MALRD1: variants seen among roughly 807,000 people sequenced by gnomAD.
MALRD1 encodes MAM and LDL-receptor class A domain-containing protein 1.
Under a neutral mutation model 242.1 loss-of-function variants are expected in MALRD1, and 247 were observed. The ratio of observed to expected loss-of-function variants is 1.02; its 90% CI spans 0.92 to 1.13. MALRD1 has a LOEUF of 1.13. Among genes scored for constraint, MALRD1 ranks in the 50% most tolerant of loss-of-function variants. The pLI is 0.00. For missense variants in MALRD1, 2,989 were observed against 2,533.1 expected (o/e 1.18, Z -3.86); for synonymous variants, 995 against 866.6 (o/e 1.15, Z -2.60).
At chr10:19,507,212 C>T (rs3852463) in intron 31 of MALRD1, among the ~76,000 whole-genome samples, 38,640 of 151,786 alleles carry the variant, frequency 0.25, 7,456 homozygotes, top group African/African-American at 0.55. Flanking sequence ...ACTCCAGCAA[C>T]GGGGATTTCA....
intron 36 of MALRD1, among the ~76,000 whole-genome samples, chr10:19,687,834 C>T: frequency 6.6e-6 from 1 of 151,834 alleles, no homozygotes. Flanking sequence ...ACCCAGATTC[C>T]ATGTGAAAAA....
At chr10:19,278,337 T>C (rs1840635705) in intron 19 of MALRD1, among the ~76,000 whole-genome samples, 1 of 152,238 alleles carries the variant, frequency 6.6e-6, no homozygotes. Flanking sequence ...CGGCATCTTA[T>C]TTGACTCCCA....
intron 36 of MALRD1, among the ~76,000 whole-genome samples, chr10:19,668,765 C>T (rs1841790755): frequency 6.6e-6 from 1 of 151,858 alleles, no homozygotes; most frequent in African/African-American, 2.4e-5. Flanking sequence ...AATTCAACCC[C>T]TTCTCCTCCA....
At chr10:19,290,842 T>C (rs992998701) in intron 21 of MALRD1, among the ~76,000 whole-genome samples, 3 of 152,172 alleles carry the variant, frequency 2.0e-5, no homozygotes, top group Non-Finnish European at 4.4e-5. Context: ...TACTGTATAT[T>C]TGCAGGTCTT....
At position 19,323,037 on chromosome 10, in the gene MALRD1, C is replaced by CA. The variant is rs959453986; in HGVS notation, c.3420-903dup. ...GGGTCATAAATTCTTTCTTTTATGG[C>CA]AAAAAAAAATCGTATTTAATTGTTT... On this transcript the variant is annotated intron_variant, in intron 21 of 39. Transcript: ENST00000454679. Among the ~76,000 whole-genome samples, 98 of 148,876 alleles carry CA rather than the reference C, an allele frequency of 6.6e-4. 1 individual carries two copies. The highest frequency in any genetic ancestry group is 6.9e-3 in the Middle Eastern group (2 of 290).
In MALRD1 at chr10:19,148,784, AAAAAAT is replaced by A. The variant is rs796517197; in HGVS notation, c.1558+2442_1558+2447del. On this transcript the variant is annotated intron_variant, in intron 11 of 39. Transcript: ENST00000454679. The stretch of plus-strand genomic sequence containing the variant: ...TAGAAAGGGCCAATTAAAAAAAAAA[AAAAAAT>A]ATATATATATATATATATATCTGGA... Among the ~76,000 whole-genome samples the A allele has an allele frequency of 7.5e-4, 48 of 63,946 alleles. No homozygotes were observed. The South Asian group carries it at 8.8e-3, about 12-fold the overall frequency. 42.0% of individuals were successfully genotyped at this position (63,946 alleles called of 152,430 possible).
chr10:19,336,140 TA>T (rs1336508788), intron 24 of MALRD1, among the ~76,000 whole-genome samples: 2 of 152,202 alleles, frequency 1.3e-5, no homozygotes, highest in Admixed American at 6.5e-5. Context: ...AAAGTAATTT[TA>T]AAAAATAATC....
intron 32 of MALRD1, among the ~76,000 whole-genome samples, chr10:19,559,297 T>C (rs915515093): frequency 1.3e-5 from 2 of 152,016 alleles, no homozygotes; most frequent in African/African-American, 2.4e-5. Context: ...GGGTCTTCTC[T>C]CTTTTTTTCT....
chr10:19,459,487 G>C (rs1168682883), intron 29 of MALRD1, among the ~76,000 whole-genome samples: 1 of 152,026 alleles, frequency 6.6e-6, no homozygotes, highest in Admixed American at 6.6e-5. Flanking sequence ...TTAAGCCTTA[G>C]AGCCCAATTA....
At chr10:19,477,656 T>C (rs1169302315) in intron 29 of MALRD1, among the ~76,000 whole-genome samples, 2 of 152,132 alleles carry the variant, frequency 1.3e-5, no homozygotes, top group Non-Finnish European at 2.9e-5. Context: ...ATAGCGCTCT[T>C]TCTTGCAGAG....
intron 21 of MALRD1, among the ~76,000 whole-genome samples, chr10:19,305,885 A>T (rs1304317127): frequency 2.3e-5 from 3 of 130,612 alleles, no homozygotes; most frequent in African/African-American, 8.8e-5. Context: ...TAATATATAT[A>T]ATATATATTA....
intron 32 of MALRD1, among the ~76,000 whole-genome samples, chr10:19,561,338 C>T (rs1250300040): frequency 6.6e-6 from 1 of 152,060 alleles, no homozygotes; most frequent in African/African-American, 2.4e-5. Context: ...TAAATTAGAC[C>T]CAGTTGATTG....
At chr10:19,436,915 A>C (rs959219449) in intron 28 of MALRD1, among the ~76,000 whole-genome samples, 3 of 152,150 alleles carry the variant, frequency 2.0e-5, no homozygotes, top group South Asian at 2.1e-4. Context: ...TTGCTCACCT[A>C]TTCAGTTATC....
At chr10:19,110,835 G>A (rs1028749626) in intron 5 of MALRD1, among the ~76,000 whole-genome samples, 1 of 152,064 alleles carries the variant, frequency 6.6e-6, no homozygotes, top group Non-Finnish European at 1.5e-5. Flanking sequence ...TGATCATTTT[G>A]TACTAGTGTT....
At chr10:19,415,636 A>G (rs1327912607) in intron 28 of MALRD1, among the ~76,000 whole-genome samples, 1 of 152,302 alleles carries the variant, frequency 6.6e-6, no homozygotes, top group Non-Finnish European at 1.5e-5. Flanking sequence ...TTAAAAATTC[A>G]TAAATGTGCT....
chr10:19,179,278 A>C (rs970173258), intron 14 of MALRD1, among the ~76,000 whole-genome samples: 10 of 152,340 alleles, frequency 6.6e-5, no homozygotes, highest in African/African-American at 1.7e-4. Context: ...AAACAAGATG[A>C]ATAAGCTCTA....
chr10:19,577,996 G>A (rs1182001835), intron 33 of MALRD1, among the ~76,000 whole-genome samples: 1 of 152,062 alleles, frequency 6.6e-6, no homozygotes, highest in East Asian at 1.9e-4. Context: ...GCTATGAGAG[G>A]CTACATTTAT....
chr10:19,590,601 A>T (rs1457033270), intron 33 of MALRD1, among the ~76,000 whole-genome samples: 1 of 151,998 alleles, frequency 6.6e-6, no homozygotes, highest in Non-Finnish European at 1.5e-5. Context: ...TCTGCTCTGA[A>T]CTGCTCCTCA....
intron 5 of MALRD1, among the ~76,000 whole-genome samples, chr10:19,112,769 G>T (rs1836723391): frequency 1.3e-5 from 2 of 152,142 alleles, no homozygotes; most frequent in Non-Finnish European, 2.9e-5. Flanking sequence ...TAAGTAAGGA[G>T]AACAGATTTA....
Sources: allele counts gnomAD v4.1 joint callset (sites outside exome capture counted in the v4.1 genomes callset), GRCh38; gene constraint gnomAD v4.1.1; transcripts MANE v1.5; gene names NCBI Gene and HGNC (gene_info 2026-07-23, HGNC 2026-07-21).